CDH13: variants seen among roughly 807,000 people sequenced by gnomAD.
CDH13 encodes cadherin 13, also known as cadherin-13.
Under a neutral mutation model 63.8 loss-of-function variants are expected in CDH13, and 24 were observed. The observed-to-expected ratio is 0.38, with a 90% CI of 0.27 to 0.53. The LOEUF is 0.53. Ranked by LOEUF, CDH13 falls within the 20% of genes least tolerant of loss-of-function variation. The pLI, the probability that CDH13 is intolerant of heterozygous loss-of-function variation, is 0.85. For missense variants in CDH13, 1,049 were observed against 903.1 expected, an observed-to-expected ratio of 1.16 and a Z score of -2.07; for synonymous variants, 503 against 355.3, an observed-to-expected ratio of 1.42 and a Z score of -4.67.
intron 7 of CDH13, among the ~76,000 whole-genome samples, chr16:83,536,881 A>G (rs1420026384): frequency 1.3e-5 from 2 of 152,190 alleles, no homozygotes; most frequent in African/African-American, 4.8e-5. Flanking sequence ...GGCCAGGATA[A>G]CACCAGCATT....
intron 2 of CDH13, among the ~76,000 whole-genome samples, chr16:82,965,886 G>T: frequency 6.6e-6 from 1 of 152,316 alleles, no homozygotes; most frequent in Admixed American, 6.5e-5. Flanking sequence ...ATATGGAGGA[G>T]TACTTTAAAG....
chr16:82,803,739 G>A (rs1038088328), intron 1 of CDH13, among the ~76,000 whole-genome samples: 4 of 151,968 alleles, frequency 2.6e-5, no homozygotes, highest in Admixed American at 6.5e-5. Flanking sequence ...GACAGAAACT[G>A]CAGGATTCCA....
intron 4 of CDH13, among the ~76,000 whole-genome samples, chr16:83,188,938 C>G (rs547020395): frequency 6.6e-6 from 1 of 152,250 alleles, no homozygotes; most frequent in South Asian, 2.1e-4. Flanking sequence ...TGAGACCCTT[C>G]AGGAAGCCTC....
intron 1 of CDH13, among the ~76,000 whole-genome samples, chr16:82,712,445 C>A (rs532380442): frequency 2.6e-5 from 4 of 152,104 alleles, no homozygotes; most frequent in Non-Finnish European, 5.9e-5. Flanking sequence ...CAGCACCTTG[C>A]GTATTCTTCT....
At chr16:83,495,441 A>C (rs374954373) in intron 7 of CDH13, among the ~76,000 whole-genome samples, 1 of 152,210 alleles carries the variant, frequency 6.6e-6, no homozygotes, top group Non-Finnish European at 1.5e-5. Context: ...CGAAGCCTCC[A>C]GGTAGCAGGC....
Position 82,942,569 on chromosome 16 carries a change from A to G in CDH13, c.157+84096A>G, listed in dbSNP as rs62037230. On this transcript the variant is annotated intron_variant, in intron 2 of 13. Coordinates refer to ENST00000567109, the MANE Select transcript of CDH13 (RefSeq NM_001257.5). ...GTGGAGAAGTACTTTGTGCGTCTGC[A>G]TTCTAGGGCATGCCCTGCTTGGCAG... Among the ~76,000 whole-genome samples the G allele has an allele frequency of 4.6e-3, 701 of 152,316 alleles. 1 individual carries two copies. Among genetic ancestry groups the G allele is most frequent in the Non-Finnish European group, 6.6e-3 (450 of 68,024 alleles).
intron 2 of CDH13, among the ~76,000 whole-genome samples, chr16:82,983,064 G>A (rs909071533): frequency 2.0e-5 from 3 of 152,158 alleles, no homozygotes; most frequent in Non-Finnish European, 4.4e-5. Context: ...TATTTGGGCT[G>A]ACGCTATGGT....
intron 12 of CDH13, 149 bp from the exon 13 acceptor site, chr16:83,783,105 C>G (rs1438571393): frequency 4.7e-6 from 3 of 641,294 alleles, no homozygotes; most frequent in Non-Finnish European, 8.3e-6. Flanking sequence ...GGTATTTTCA[C>G]TTGATGTTAA....
intron 3 of CDH13, among the ~76,000 whole-genome samples, chr16:83,041,332 A>G (rs1209396674): frequency 6.6e-6 from 1 of 152,224 alleles, no homozygotes; most frequent in Non-Finnish European, 1.5e-5. Flanking sequence ...CGTTGCAAAC[A>G]TGCAATTTAA....
At chr16:83,665,014 C>T (rs548865678) in intron 8 of CDH13, among the ~76,000 whole-genome samples, 5 of 152,194 alleles carry the variant, frequency 3.3e-5, no homozygotes, top group South Asian at 2.1e-4. Flanking sequence ...TGTATCTTTC[C>T]GCCATGAGAT....
chr16:83,622,288 G>A (rs1409422527), intron 8 of CDH13, among the ~76,000 whole-genome samples: 2 of 152,212 alleles, frequency 1.3e-5, no homozygotes, highest in South Asian at 4.1e-4. Flanking sequence ...GTGAGTCAGA[G>A]CACCTGGTTC....
chr16:82,918,090 G>C (rs1028480164), intron 2 of CDH13, among the ~76,000 whole-genome samples: 3 of 152,170 alleles, frequency 2.0e-5, no homozygotes, highest in African/African-American at 7.2e-5. Context: ...CCTGCTGCGA[G>C]GCAGCTGGTG....
At chr16:83,347,189 C>G (rs965962287) in intron 6 of CDH13, among the ~76,000 whole-genome samples, 1 of 152,182 alleles carries the variant, frequency 6.6e-6, no homozygotes, top group East Asian at 1.9e-4. Flanking sequence ...TCTTTCCAAC[C>G]TCTTCTTCAA....
rs966343211 is a variant in CDH13, at chr16:83,797,028, C to G, written c.*1998C>G. ...GCCCCCGACTCAGGGACAGGGGAAT[C>G]TAAGCCTGTGCATTCACACTCCACA... On this transcript the variant is annotated 3_prime_UTR_variant, in exon 14 of 14. Transcript: ENST00000567109. The G allele has an allele frequency of 6.6e-6, 1 of 152,240 alleles. No individual in the cohort carries two copies. Among genetic ancestry groups the G allele is most frequent in the Non-Finnish European group, 1.5e-5 (1 of 68,056 alleles). 9.4% of individuals were successfully genotyped at this position (152,240 alleles called of 1,614,324 possible). A position where few individuals can be genotyped will look rare whatever the true frequency, so the allele number is the denominator to read the frequency against.
chr16:83,114,782 G>A (rs1398508502), intron 3 of CDH13, among the ~76,000 whole-genome samples: 3 of 152,172 alleles, frequency 2.0e-5, no homozygotes, highest in Non-Finnish European at 2.9e-5. Context: ...AGGAGGCAAT[G>A]AAGCAAACTT....
At chr16:83,258,050 T>C (rs1906505016) in intron 5 of CDH13, among the ~76,000 whole-genome samples, 1 of 152,270 alleles carries the variant, frequency 6.6e-6, no homozygotes, top group African/African-American at 2.4e-5. Context: ...TCTTGCATAC[T>C]CTTGGTTAAA....
intron 3 of CDH13, among the ~76,000 whole-genome samples, chr16:83,123,792 A>G (rs916193984): frequency 1.4e-4 from 21 of 152,146 alleles, no homozygotes; most frequent in African/African-American, 5.1e-4. Context: ...ACTGTTTTTC[A>G]TAGAGTTTGC....
At chr16:82,973,862 A>G (rs1909122777) in intron 2 of CDH13, among the ~76,000 whole-genome samples, 1 of 152,190 alleles carries the variant, frequency 6.6e-6, no homozygotes, top group Non-Finnish European at 1.5e-5. Flanking sequence ...TCATTGATGT[A>G]AATGATCCTG....
intron 2 of CDH13, among the ~76,000 whole-genome samples, chr16:82,864,218 G>A (rs1459505403): frequency 6.6e-6 from 1 of 152,100 alleles, no homozygotes; most frequent in African/African-American, 2.4e-5. Flanking sequence ...TTCTGAAGAG[G>A]CAGGGGTATT....
Sources: allele counts gnomAD v4.1 joint callset (sites outside exome capture counted in the v4.1 genomes callset), GRCh38; gene constraint gnomAD v4.1.1; transcripts MANE v1.5; gene names NCBI Gene and HGNC (gene_info 2026-07-23, HGNC 2026-07-21).